CASZ1: variants seen among roughly 807,000 people sequenced by gnomAD.
CASZ1 encodes the protein zinc finger protein castor homolog 1.
In CASZ1, 28 loss-of-function variants were observed where a neutral mutation model predicts 135.2. That is an observed-to-expected ratio of 0.21 (90% CI 0.15 to 0.28). The LOEUF (loss-of-function observed/expected upper bound fraction) is 0.28. CASZ1 is among the 10% of genes least tolerant of loss of function. The pLI, the probability that CASZ1 is intolerant of heterozygous loss-of-function variation, is 1.00. For missense variants in CASZ1, 2,161 were observed against 2,453.3 expected (o/e 0.88, Z 2.52); for synonymous variants, 1,068 against 1,073.4 (o/e 0.99, Z 0.10).
At position 10,694,287 on chromosome 1, in the gene CASZ1, C is replaced by T. The variant is rs762436232; in HGVS notation, c.-23-375G>A. The T allele has an allele frequency of 5.4e-6, 6 of 1,110,184 alleles. No homozygotes were observed. The highest frequency in any genetic ancestry group is 6.7e-6 in the Non-Finnish European group (6 of 889,794). 68.8% of individuals were successfully genotyped at this position (1,110,184 alleles called of 1,614,324 possible). On this transcript the variant is annotated intron_variant, in intron 3 of 20. Transcript: ENST00000377022. The surrounding 1 kb of genome is among the most constrained non-coding windows in gnomAD (Gnocchi z 6.6). ...CCCCCGGGCCTCCCCCGCCCGCGCC[C>T]GGTACTCACCATAGTCGGAGAGTCG... is the stretch of plus-strand genomic sequence containing the variant.
rs1640244815 is a variant in CASZ1, at chr1:10,755,870, C to T, written c.-77+4831G>A. On this transcript the variant is annotated intron_variant, in intron 2 of 20. Transcript: ENST00000377022. The surrounding 1 kb of genome is among the most constrained non-coding windows in gnomAD (Gnocchi z 4.3). ...GCTCCCACCCCTCTGCACCCCCCACCCCAGCTGCAGGCCATGGAGCTGCCA... is the reference window on the plus strand; with the variant it reads ...GCTCCCACCCCTCTGCACCCCCCACTCCAGCTGCAGGCCATGGAGCTGCCA... 6.6e-6 allele frequency among the ~76,000 whole-genome samples: 1 copy of T among 152,012 alleles called. No individual in the cohort carries two copies. The highest frequency in any genetic ancestry group is 1.5e-5 in the Non-Finnish European group (1 of 67,986).
At position 10,727,909 on chromosome 1, in the gene CASZ1, G is replaced by A. The variant is rs1639626030; in HGVS notation, c.-76-22365C>T. Reference sequence around the variant, plus strand: ...GAGAACTCAGGCTTGCCATGCCCCGGCACCATGCCAACACGTGGAAGGTTG... The same window carrying A: ...GAGAACTCAGGCTTGCCATGCCCCGACACCATGCCAACACGTGGAAGGTTG... On this transcript the variant is annotated intron_variant, in intron 2 of 20. Coordinates refer to ENST00000377022, the MANE Select transcript of CASZ1 (RefSeq NM_001079843.3). The surrounding 1 kb of genome is among the most constrained non-coding windows in gnomAD (Gnocchi z 5.3). Among the ~76,000 whole-genome samples the A allele has an allele frequency of 6.6e-6, 1 of 152,242 alleles. No homozygotes were observed. The highest frequency in any genetic ancestry group is 2.4e-5 in the African/African-American group (1 of 41,464).
At chr1:10,744,916 G>A (rs560288495) in intron 2 of CASZ1, among the ~76,000 whole-genome samples, 65 of 152,148 alleles carry the variant, frequency 4.3e-4, no homozygotes, top group Non-Finnish European at 7.4e-4. Context: ...CATGTGCTCC[G>A]TCAATCCACC....
At chr1:10,648,859 G>A (rs1570407180) in intron 15 of CASZ1, 1 of 610,576 alleles carries the variant, frequency 1.6e-6, no homozygotes, top group East Asian at 3.0e-5. Flanking sequence ...GTCCCAGGAA[G>A]GGCCTGGACA....
At chr1:10,640,501 C>T (rs1160355704) in intron 20 of CASZ1, among the ~76,000 whole-genome samples, 3 of 152,234 alleles carry the variant, frequency 2.0e-5, no homozygotes, top group Non-Finnish European at 4.4e-5. Flanking sequence ...GCTCCTTTCC[C>T]GCCGGCTACC....
chr1:10,785,593 G>T (rs1297031107), intron 1 of CASZ1, among the ~76,000 whole-genome samples: 1 of 152,116 alleles, frequency 6.6e-6, no homozygotes, highest in East Asian at 1.9e-4. Flanking sequence ...TTCTCCTCCT[G>T]GCCCCGCCCT....
In CASZ1 at chr1:10,720,978, C is replaced by G. The variant is rs564898980; in HGVS notation, c.-76-15434G>C. Reference sequence around the variant, plus strand: ...AGTTCACCCTGCTCAGGGCCACAACCGGCTCTGGAGGGAGGGATTTAAGAG... The same window carrying G: ...AGTTCACCCTGCTCAGGGCCACAACGGGCTCTGGAGGGAGGGATTTAAGAG... On this transcript the variant is annotated intron_variant, in intron 2 of 20. Transcript: ENST00000377022. This position sits in a 1 kb window ranked among gnomAD's most constrained non-coding sequence, Gnocchi z 5.7. Among the ~76,000 whole-genome samples the G allele has an allele frequency of 1.3e-5, 2 of 152,176 alleles. No individual in the cohort carries two copies. Among genetic ancestry groups the G allele is most frequent in the South Asian group, 4.1e-4 (2 of 4,826 alleles).
chr1:10,784,023 C>G (rs760229097), intron 1 of CASZ1, among the ~76,000 whole-genome samples: 23 of 152,172 alleles, frequency 1.5e-4, no homozygotes, highest in Non-Finnish European at 2.9e-4. Context: ...GGCGGCACTG[C>G]TGACTGCCTG....
intron 3 of CASZ1, among the ~76,000 whole-genome samples, chr1:10,704,811 C>T (rs768007921): frequency 1.3e-5 from 2 of 152,214 alleles, no homozygotes; most frequent in Admixed American, 6.5e-5. Context: ...GCCTGGGGCC[C>T]GAGGCCCGGT....
chr1:10,693,298 T>C (rs2100407722), intron 4 of CASZ1, among the ~76,000 whole-genome samples: 1 of 151,758 alleles, frequency 6.6e-6, no homozygotes, highest in South Asian at 2.1e-4. Flanking sequence ...AAATACTCAT[T>C]AGCCATAATA....
At chr1:10,782,440 A>G (rs2100614681) in intron 1 of CASZ1, among the ~76,000 whole-genome samples, 2 of 152,342 alleles carry the variant, frequency 1.3e-5, no homozygotes, top group Admixed American at 1.3e-4. Flanking sequence ...TTTAAAATTA[A>G]AATAGGTCTC....
At position 10,779,029 on chromosome 1, in the gene CASZ1, G is replaced by A. The variant is rs529564538; in HGVS notation, c.-234+17535C>T. 6.6e-5 allele frequency among the ~76,000 whole-genome samples: 10 copies of A among 152,282 alleles called. No individual in the cohort carries two copies. The South Asian group carries it at 1.9e-3, about 28-fold the overall frequency. The stretch of plus-strand genomic sequence containing the variant: ...CAAGAAGCGAAGGAATCAACCCCAC[G>A]AGCTAAATGTAGGGAGTTTGCTTTG... On this transcript the variant is annotated intron_variant, in intron 1 of 20. Transcript: ENST00000377022.
intron 2 of CASZ1, among the ~76,000 whole-genome samples, chr1:10,729,679 A>G (rs1332272422): frequency 1.3e-5 from 2 of 152,254 alleles, no homozygotes; most frequent in African/African-American, 4.8e-5. Flanking sequence ...ACGTGGGGAC[A>G]TTACGCTGAC....
intron 4 of CASZ1, among the ~76,000 whole-genome samples, chr1:10,678,574 C>T (rs978973543): frequency 8.5e-5 from 13 of 152,204 alleles, no homozygotes; most frequent in Non-Finnish European, 1.3e-4. Context: ...CACGCACACT[C>T]GCTCCCTGGG....
Position 10,665,590 on chromosome 1 carries a change from G to A in CASZ1, c.17-19C>T. On this transcript the variant is annotated intron_variant, in intron 4 of 20. Coordinates refer to ENST00000377022, the MANE Select transcript of CASZ1 (RefSeq NM_001079843.3). ...CCCTCAGCTGCAGGGATGGAGGAGA[G>A]CACGGAGGTCAGAGGCGTGCAAGGC... 1.3e-6 allele frequency: 2 copies of A among 1,536,058 alleles called. No individual in the cohort carries two copies. The highest frequency in any genetic ancestry group is 3.7e-5 in the Admixed American group (2 of 54,356).
chr1:10,714,666 G>A (rs1465781338), intron 2 of CASZ1, among the ~76,000 whole-genome samples: 2 of 152,232 alleles, frequency 1.3e-5, no homozygotes, highest in Non-Finnish European at 2.9e-5. Flanking sequence ...CCAGCGCTCT[G>A]ACAGAATTAA....
intron 8 of CASZ1, 36 bp from the exon 9 acceptor site, chr1:10,655,849 A>T (rs746047363): frequency 6.2e-7 from 1 of 1,605,094 alleles, no homozygotes; most frequent in South Asian, 1.1e-5. Context: ...CAGGAGCCTG[A>T]GCTCCCCCTC....
chr1:10,736,801 G>A lies in CASZ1; in HGVS notation c.-77+23900C>T, dbSNP rs114056669. Among the ~76,000 whole-genome samples, 530 of 152,298 alleles carry A rather than the reference G, an allele frequency of 3.5e-3. 8 individuals carry two copies. Among genetic ancestry groups the A allele is most frequent in the African/African-American group, 0.012 (493 of 41,574 alleles). ...GCCAGTTAGACAGCCACAGCCCCAC[G>A]TGTCCAATCCATCACTGAAGGACAG... On this transcript the variant is annotated intron_variant, in intron 2 of 20. Coordinates refer to ENST00000377022, the MANE Select transcript of CASZ1 (RefSeq NM_001079843.3).
Position 10,639,643 on chromosome 1 carries a change from T to C in CASZ1, c.4579A>G (p.Ser1527Gly). ...TTGCGATGCGCCGTGACCTTGGTGC[T>C]GTCGGTGCAGCGGAAGCGGCAGCGC... ...CLRCRFRCTD[S>G]TKVTAHRKHH... Residue 1527 changes from serine to glycine, a missense_variant, in exon 21 of 21, where the codon AGC becomes GGC. Physicochemically the swap from Ser to Gly is moderately conservative, Grantham distance 56 (BLOSUM62 0). Transcript: ENST00000377022. The surrounding 1 kb of genome is among the most constrained non-coding windows in gnomAD (Gnocchi z 4.0). The C allele has an allele frequency of 6.2e-7, 1 of 1,607,106 alleles. No individual in the cohort carries two copies. The highest frequency in any genetic ancestry group is 8.5e-7 in the Non-Finnish European group (1 of 1,178,500).
Sources: allele counts gnomAD v4.1 joint callset (sites outside exome capture counted in the v4.1 genomes callset), GRCh38; gene constraint gnomAD v4.1.1; non-coding constraint Gnocchi (gnomAD v3.1); transcripts MANE v1.5; gene names NCBI Gene and HGNC (gene_info 2026-07-23, HGNC 2026-07-21).